Variants in DNAH5 observed in about 807,000 individuals in gnomAD.
DNAH5 encodes the protein axonemal beta dynein heavy chain 5.
Under a neutral mutation model 518.2 loss-of-function variants are expected in DNAH5, and 372 were observed. That is an observed-to-expected ratio of 0.72 (90% CI 0.66 to 0.78). DNAH5 has a LOEUF of 0.78. Ranked by LOEUF, DNAH5 falls within the 30% of genes least tolerant of loss-of-function variation. DNAH5 has a pLI of 0.00. For synonymous variants in DNAH5, 2,039 were observed against 2,025.9 expected, an observed-to-expected ratio of 1.01 and a Z score of -0.17; for missense variants, 5,523 against 5,687.0, an observed-to-expected ratio of 0.97 and a Z score of 0.93.
At chr5:13,774,118 C>A (rs1240018115) in intron 55 of DNAH5, among the ~76,000 whole-genome samples, 1 of 151,940 alleles carries the variant, frequency 6.6e-6, no homozygotes, top group Non-Finnish European at 1.5e-5. Context: ...GTGTTTTTAC[C>A]GTTTTTCTGT....
intron 21 of DNAH5, 34 bp from the exon 22 acceptor site, chr5:13,876,851 T>C: frequency 1.2e-6 from 2 of 1,603,324 alleles, no homozygotes; most frequent in Non-Finnish European, 1.7e-6. Flanking sequence ...AACTTTACAC[T>C]ACTCACACAA....
intron 12 of DNAH5, among the ~76,000 whole-genome samples, chr5:13,909,503 A>G (rs1378657349): frequency 6.6e-6 from 1 of 152,080 alleles, no homozygotes; most frequent in East Asian, 1.9e-4. Flanking sequence ...TCCTCTCTGA[A>G]GCCTTTCCTA....
rs1036559068 is a variant in DNAH5, at chr5:13,692,148, T to C, written c.13724-13A>G. The C allele has an allele frequency of 5.6e-6, 9 of 1,613,796 alleles. No individual in the cohort carries two copies. Among genetic ancestry groups the C allele is most frequent in the Non-Finnish European group, 6.8e-6 (8 of 1,179,836 alleles). ...GGATCTCGTAAAGCTACAAAAAACA[T>C]AAAAGAAAAGAACTTGGTGAAATTT... is the stretch of plus-strand genomic sequence containing the variant. On this transcript the variant is annotated splice_polypyrimidine_tract_variant and intron_variant, in intron 78 of 78. Transcript: ENST00000265104.
intron 24 of DNAH5, among the ~76,000 whole-genome samples, chr5:13,869,549 G>GA (rs1769776609): frequency 6.6e-6 from 1 of 152,026 alleles, no homozygotes. Context: ...TATGATTATG[G>GA]AAAGTTATTA....
At chr5:13,780,440 C>T (rs991189387) in intron 53 of DNAH5, among the ~76,000 whole-genome samples, 6 of 152,184 alleles carry the variant, frequency 3.9e-5, no homozygotes, top group African/African-American at 1.4e-4. Flanking sequence ...AATAACTATT[C>T]TGAAATGTTG....
At chr5:13,840,448 G>C (rs1359335872) in intron 34 of DNAH5, among the ~76,000 whole-genome samples, 1 of 152,082 alleles carries the variant, frequency 6.6e-6, no homozygotes, top group Non-Finnish European at 1.5e-5. Flanking sequence ...ATTAGGAAAG[G>C]CCATTTGCAA....
chr5:13,885,688 G>A (rs1314087562), intron 18 of DNAH5, among the ~76,000 whole-genome samples: 1 of 152,146 alleles, frequency 6.6e-6, no homozygotes, highest in Admixed American at 6.5e-5. Flanking sequence ...TATTGATAAG[G>A]TAAAATAAAA....
chr5:13,694,302 C>T (rs1741075309), intron 78 of DNAH5, among the ~76,000 whole-genome samples: 1 of 152,226 alleles, frequency 6.6e-6, no homozygotes, highest in Non-Finnish European at 1.5e-5. Flanking sequence ...TGAAGGTGCT[C>T]ATGCCAAGTC....
chr5:13,902,682 T>C (rs1335142905), intron 12 of DNAH5, among the ~76,000 whole-genome samples: 1 of 152,224 alleles, frequency 6.6e-6, no homozygotes, highest in Non-Finnish European at 1.5e-5. Flanking sequence ...GGCAGGGCAC[T>C]GTCTGGCTCT....
At chr5:13,812,021 G>T (rs1054145032) in intron 43 of DNAH5, among the ~76,000 whole-genome samples, 198 bp from the exon 44 acceptor site, 6 of 152,118 alleles carry the variant, frequency 3.9e-5, no homozygotes, top group Admixed American at 3.9e-4. Context: ...TACAAGGTAA[G>T]AACTGTTATT....
At chr5:13,843,265 T>C (rs761805599) in intron 32 of DNAH5, among the ~76,000 whole-genome samples, 2 of 152,138 alleles carry the variant, frequency 1.3e-5, no homozygotes, top group African/African-American at 2.4e-5. Context: ...TCATTCCGCC[T>C]CCTACACTGT....
intron 55 of DNAH5, among the ~76,000 whole-genome samples, chr5:13,771,543 G>A (rs1753339536): frequency 6.6e-6 from 1 of 152,152 alleles, no homozygotes; most frequent in African/African-American, 2.4e-5. Flanking sequence ...TGGGTAAAAA[G>A]TCTCCTGTTG....
chr5:13,816,192 A>G (rs1761422460), intron 42 of DNAH5, among the ~76,000 whole-genome samples: 1 of 152,212 alleles, frequency 6.6e-6, no homozygotes, highest in African/African-American at 2.4e-5. Flanking sequence ...ATTTCAGAGG[A>G]ACACTGGGCA....
rs1286086441 is a variant in DNAH5 at position 13,891,138 on chromosome 5, A to G, written c.2432-17T>C. On this transcript the variant is annotated splice_polypyrimidine_tract_variant and intron_variant, in intron 16 of 78. Coordinates refer to ENST00000265104, the MANE Select transcript of DNAH5 (RefSeq NM_001369.3). ...CCAGGTCCTCTTTGGGAAAAAATAA[A>G]AGTAAATAAAAGAGATTAGGTAAAG... The G allele has an allele frequency of 1.2e-6, 2 of 1,613,688 alleles. No homozygotes were observed. The highest frequency in any genetic ancestry group is 1.7e-6 in the Non-Finnish European group (2 of 1,179,794).
chr5:13,753,701 T>A, intron 62 of DNAH5, 152 bp from the exon 63 acceptor site: 1 of 743,676 alleles, frequency 1.3e-6, no homozygotes, highest in Non-Finnish European at 2.1e-6. Flanking sequence ...TGCTGGTGAA[T>A]AAGCAGTAGT....
intron 1 of DNAH5, among the ~76,000 whole-genome samples, chr5:13,952,735 A>G (rs575743406): frequency 6.6e-5 from 10 of 152,242 alleles, no homozygotes; most frequent in Non-Finnish European, 1.3e-4. Context: ...CAATATTTAC[A>G]TTGCCAAGGA....
intron 1 of DNAH5, among the ~76,000 whole-genome samples, chr5:13,976,734 C>CACAT (rs1782288076): frequency 6.6e-6 from 1 of 150,976 alleles, no homozygotes; most frequent in African/African-American, 2.4e-5. Context: ...TACACACACA[C>CACAT]ACACACACAC....
At chr5:13,697,081 G>A (rs1741486276) in intron 78 of DNAH5, among the ~76,000 whole-genome samples, 1 of 152,092 alleles carries the variant, frequency 6.6e-6, no homozygotes, top group Non-Finnish European at 1.5e-5. Flanking sequence ...AGAAAAAACA[G>A]GAACATGTAA....
intron 1 of DNAH5, among the ~76,000 whole-genome samples, chr5:13,942,659 C>T (rs1020601923): frequency 2.6e-5 from 4 of 152,044 alleles, no homozygotes. Context: ...GCTGTCTCAT[C>T]CCCCTGGCCT....
Sources: allele counts gnomAD v4.1 joint callset (sites outside exome capture counted in the v4.1 genomes callset), GRCh38; gene constraint gnomAD v4.1.1; transcripts MANE v1.5; gene names NCBI Gene and HGNC (gene_info 2026-07-23, HGNC 2026-07-21).